Variants in ANKS6 observed in about 807,000 individuals in gnomAD.
The protein encoded by ANKS6 is ankyrin repeat and sterile alpha motif domain containing 6, also known as ankyrin repeat and SAM domain-containing protein 6.
Under a neutral mutation model 77.9 loss-of-function variants are expected in ANKS6, and 47 were observed. The ratio of observed to expected loss-of-function variants is 0.60; its 90% CI spans 0.48 to 0.77. ANKS6 has a LOEUF of 0.77. Among genes scored for constraint, ANKS6 ranks in the 30% least tolerant of loss-of-function variants. The probability of loss-of-function intolerance (pLI) is 0.00; values close to 1 mark genes in which losing one functional copy is unlikely to be tolerated. For synonymous variants in ANKS6, 488 were observed against 501.7 expected, an observed-to-expected ratio of 0.97 and a Z score of 0.37; for missense variants, 1,150 against 1,159.1, an observed-to-expected ratio of 0.99 and a Z score of 0.11.
At chr9:98,744,857 T>C (rs1442701503) in intron 14 of ANKS6, among the ~76,000 whole-genome samples, 1 of 151,308 alleles carries the variant, frequency 6.6e-6, no homozygotes, top group African/African-American at 2.5e-5. Context: ...CTGCGCATTG[T>C]TGCTGGAAAA....
chr9:98,785,327 G>T (rs1283338573), intron 2 of ANKS6, among the ~76,000 whole-genome samples: 1 of 152,158 alleles, frequency 6.6e-6, no homozygotes, highest in Non-Finnish European at 1.5e-5. Flanking sequence ...GAGCTCTAAG[G>T]AAGTTCACAG....
chr9:98,745,531 C>T lies in ANKS6; in HGVS notation c.2511+28G>A, dbSNP rs202129563. On this transcript the variant is annotated intron_variant, in intron 14 of 14. Transcript: ENST00000353234. ...GTGAAGCTCTCAGATGTCTGAAACA[C>T]GGAAATACAAGAAACAGAGAACGGT... 100 of 1,589,604 alleles carry T rather than the reference C, an allele frequency of 6.3e-5. No individual in the cohort carries two copies. The African/African-American group carries it at 1.1e-3, about 18-fold the overall frequency.
intron 14 of ANKS6, among the ~76,000 whole-genome samples, chr9:98,742,433 A>C (rs1333256538): frequency 6.6e-6 from 1 of 152,208 alleles, no homozygotes; most frequent in Non-Finnish European, 1.5e-5. Flanking sequence ...AACTTAAAAT[A>C]ATGCAGCAGA....
chr9:98,734,271 G>C lies in ANKS6; in HGVS notation c.*2248C>G, dbSNP rs1831367806. On this transcript the variant is annotated 3_prime_UTR_variant, in exon 15 of 15. Transcript: ENST00000353234. ...CTCTGCTGTCCTGTCTGCAAAATGG[G>C]AATAGCCCCGCTCTGTCCAGGGTCA... 1 of 985,348 alleles carries C rather than the reference G, an allele frequency of 1.0e-6. No individual in the cohort carries two copies. Among genetic ancestry groups the C allele is most frequent in the Non-Finnish European group, 1.2e-6 (1 of 830,016 alleles). 61.0% of individuals were successfully genotyped at this position (985,348 alleles called of 1,614,324 possible). A position where few individuals can be genotyped will look rare whatever the true frequency, so the allele number is the denominator to read the frequency against.
rs1203244782 is a variant in ANKS6 at position 98,791,771 on chromosome 9, C to A, written c.360-1165G>T. ...AAACCCAAGACCTCCCTCCTCCTGGCGGCTGGCGGCCAGGCCAGGGCTGAA... is the reference window on the plus strand; with the variant it reads ...AAACCCAAGACCTCCCTCCTCCTGGAGGCTGGCGGCCAGGCCAGGGCTGAA... On this transcript the variant is annotated intron_variant, in intron 1 of 14. Transcript: ENST00000353234. The surrounding 1 kb of genome is among the most constrained non-coding windows in gnomAD (Gnocchi z 4.3). Among the ~76,000 whole-genome samples, 1 of 152,110 alleles carries A rather than the reference C, an allele frequency of 6.6e-6. No homozygotes were observed. Among genetic ancestry groups the A allele is most frequent in the Non-Finnish European group, 1.5e-5 (1 of 68,004 alleles).
chr9:98,787,183 C>G (rs1834619659), intron 2 of ANKS6, among the ~76,000 whole-genome samples: 1 of 152,104 alleles, frequency 6.6e-6, no homozygotes, highest in Non-Finnish European at 1.5e-5. Flanking sequence ...ATTTCATAAT[C>G]TGTCATTATC....
chr9:98,781,832 G>A (rs1337130359), intron 5 of ANKS6, among the ~76,000 whole-genome samples: 2 of 152,254 alleles, frequency 1.3e-5, no homozygotes, highest in East Asian at 1.9e-4. Context: ...GAAGGGCCTC[G>A]GGGCTTCTCT....
chr9:98,780,207 A>G lies in ANKS6; in HGVS notation c.1350T>C (p.Asp450=). 6.2e-7 allele frequency: 1 copy of G among 1,614,064 alleles called. No homozygotes were observed. Among genetic ancestry groups the G allele is most frequent in the Non-Finnish European group, 8.5e-7 (1 of 1,180,026 alleles). The change falls in exon 6 of 15, where the codon GAT becomes GAC. Residue 450 remains aspartate (D), a synonymous_variant. Transcript: ENST00000353234. ...GGCAAACCTTCAGTCCACCCTTGTC[A>G]TCGGGCAGCACTGGGATGCTCCAGG... ...RQPWSIPVLP[D]DKGGLKSWWN... is the part of the protein sequence containing the mutation.
At chr9:98,741,730 C>T (rs908843230) in intron 14 of ANKS6, among the ~76,000 whole-genome samples, 2 of 152,212 alleles carry the variant, frequency 1.3e-5, no homozygotes, top group Admixed American at 1.3e-4. Flanking sequence ...AATTCCAATA[C>T]TGGGGTGGGT....
At position 98,745,672 on chromosome 9, in the gene ANKS6, C is replaced by T. The variant is rs771696981; in HGVS notation, c.2398G>A (p.Asp800Asn). 2 of 1,613,034 alleles carry T rather than the reference C, an allele frequency of 1.2e-6. No individual in the cohort carries two copies. Among genetic ancestry groups the T allele is most frequent in the Non-Finnish European group, 1.7e-6 (2 of 1,178,970 alleles). The change falls in exon 14 of 15, where the codon GAC becomes AAC. Residue 800 changes from aspartate (D) to asparagine (N), a missense_variant. Transcript: ENST00000353234. Reference sequence around the variant, plus strand: ...GTCAGTGTGAGGAACGCTTCCATGTCCACCTGGGGAGAGAGAGGGGATTTG... The same window carrying T: ...GTCAGTGTGAGGAACGCTTCCATGTTCACCTGGGGAGAGAGAGGGGATTTG... ...YQPIFEEQEVDMEAFLTLTDG... is the reference protein window; with the variant it reads ...YQPIFEEQEVNMEAFLTLTDG...
rs1168832757 is a variant in ANKS6, at chr9:98,777,470, A to C, written c.1568-16T>G. 1 of 1,613,990 alleles carries C rather than the reference A, an allele frequency of 6.2e-7. No homozygotes were observed. The highest frequency in any genetic ancestry group is 8.5e-7 in the Non-Finnish European group (1 of 1,179,840). ...CTCCCAGGACCTGAGAGACAAATGG[A>C]AATTTCCTGAAATGACCCCTCCACG... On this transcript the variant is annotated splice_polypyrimidine_tract_variant and intron_variant, in intron 7 of 14. Transcript: ENST00000353234.
intron 10 of ANKS6, among the ~76,000 whole-genome samples, 163 bp from the exon 11 acceptor site, chr9:98,768,413 A>C (rs1172717442): frequency 6.6e-6 from 1 of 152,158 alleles, no homozygotes; most frequent in Non-Finnish European, 1.5e-5. Context: ...CTGCAGGAGA[A>C]CCAGGAGGTA....
Position 98,796,532 on chromosome 9 carries a change from G to T in ANKS6, c.-41C>A, listed in dbSNP as rs1835189648. The T allele has an allele frequency of 8.2e-6, 8 of 974,178 alleles. No homozygotes were observed. The highest frequency in any genetic ancestry group is 8.5e-6 in the Non-Finnish European group (7 of 820,872). 60.3% of individuals were successfully genotyped at this position (974,178 alleles called of 1,614,324 possible). A position where few individuals can be genotyped will look rare whatever the true frequency, so the allele number is the denominator to read the frequency against. On this transcript the variant is annotated 5_prime_UTR_variant, in exon 1 of 15. Transcript: ENST00000353234. ...CGGCCCGCTCCCGTCCGCCCCGCCG[G>T]CCGCGTCGGCTCCGCCCCCGGATAC...
chr9:98,777,534 A>C (rs1833985532), intron 7 of ANKS6, 80 bp from the exon 8 acceptor site: 6 of 1,310,778 alleles, frequency 4.6e-6, no homozygotes, highest in African/African-American at 2.9e-5. Context: ...GGCAGGCTTC[A>C]ACCTGGAAAA....
In ANKS6 at chr9:98,735,792, T is replaced by G; in HGVS notation, c.*727A>C. 8.1e-7 allele frequency: 1 copy of G among 1,231,674 alleles called. No homozygotes were observed. Among genetic ancestry groups the G allele is most frequent in the Non-Finnish European group, 1.0e-6 (1 of 987,960 alleles). 76.3% of individuals were successfully genotyped at this position (1,231,674 alleles called of 1,614,324 possible). A position where few individuals can be genotyped will look rare whatever the true frequency, so the allele number is the denominator to read the frequency against. On this transcript the variant is annotated 3_prime_UTR_variant, in exon 15 of 15. Coordinates refer to ENST00000353234, the MANE Select transcript of ANKS6 (RefSeq NM_173551.5). Reference sequence around the variant, plus strand: ...AGACTCTCTTTGCAATAAAGAAAAATGCGTTTGACATACACATCTCCAATG... The same window carrying G: ...AGACTCTCTTTGCAATAAAGAAAAAGGCGTTTGACATACACATCTCCAATG...
Position 98,735,231 on chromosome 9 carries a change from G to C in ANKS6, c.*1288C>G. 2 of 986,780 alleles carry C rather than the reference G, an allele frequency of 2.0e-6. No individual in the cohort carries two copies. The highest frequency in any genetic ancestry group is 2.4e-6 in the Non-Finnish European group (2 of 830,928). 61.1% of individuals were successfully genotyped at this position (986,780 alleles called of 1,614,324 possible). A position where few individuals can be genotyped will look rare whatever the true frequency, so the allele number is the denominator to read the frequency against. On this transcript the variant is annotated 3_prime_UTR_variant, in exon 15 of 15. Coordinates refer to ENST00000353234, the MANE Select transcript of ANKS6 (RefSeq NM_173551.5). Reference sequence around the variant, plus strand: ...TCTGAACTTTGAACCTGAGTCCAGAGCACAAGGTCTGCCCACTCTACCATG... The same window carrying C: ...TCTGAACTTTGAACCTGAGTCCAGACCACAAGGTCTGCCCACTCTACCATG...
rs1343003762 is a variant in ANKS6, at chr9:98,791,932, A to G, written c.360-1326T>C. Among the ~76,000 whole-genome samples, 2 of 152,134 alleles carry G rather than the reference A, an allele frequency of 1.3e-5. No individual in the cohort carries two copies. Among genetic ancestry groups the G allele is most frequent in the Non-Finnish European group, 2.9e-5 (2 of 68,034 alleles). ...GCTGGGCCTCTTGACCTCCACTCCC[A>G]GAGTGGAAAAGGACAAGGCAAATTG... On this transcript the variant is annotated intron_variant, in intron 1 of 14. Coordinates refer to ENST00000353234, the MANE Select transcript of ANKS6 (RefSeq NM_173551.5). The surrounding 1 kb of genome is among the most constrained non-coding windows in gnomAD (Gnocchi z 4.3).
chr9:98,759,357 C>T (rs1832892638), intron 11 of ANKS6, among the ~76,000 whole-genome samples: 1 of 152,218 alleles, frequency 6.6e-6, no homozygotes, highest in Non-Finnish European at 1.5e-5. Context: ...GCTTTCTTCC[C>T]CTACACACCA....
Position 98,745,603 on chromosome 9 carries a change from T to G in ANKS6, c.2467A>C (p.Arg823=). Residue 823 remains arginine, a synonymous_variant, in exon 14 of 15, where the codon AGG becomes CGG. Coordinates refer to ENST00000353234, the MANE Select transcript of ANKS6 (RefSeq NM_173551.5). ...GAAATCGCTGCCAGAATCTGCTGCC[T>G]GGACCCATCTGTCTTAATTCCCAGC... is the stretch of plus-strand genomic sequence containing the variant. ...KELGIKTDGS[R]QQILAAISEL... The G allele has an allele frequency of 1.2e-6, 2 of 1,614,206 alleles. No individual in the cohort carries two copies. The highest frequency in any genetic ancestry group is 1.7e-6 in the Non-Finnish European group (2 of 1,180,014).
Sources: allele counts gnomAD v4.1 joint callset (sites outside exome capture counted in the v4.1 genomes callset), GRCh38; gene constraint gnomAD v4.1.1; non-coding constraint Gnocchi (gnomAD v3.1); transcripts MANE v1.5; gene names NCBI Gene and HGNC (gene_info 2026-07-23, HGNC 2026-07-21).